The following HDAC9 variants were observed in gnomAD, a reference collection of about 807,000 sequenced individuals.
The protein encoded by HDAC9 is histone deacetylase 9.
In HDAC9, 41 loss-of-function variants were observed where a neutral mutation model predicts 139.4. The observed-to-expected ratio is 0.29, with a 90% CI of 0.23 to 0.38. HDAC9 has a LOEUF of 0.38. HDAC9 is among the 10% of genes least tolerant of loss of function. HDAC9 has a pLI of 1.00. For synonymous variants in HDAC9, 517 were observed against 476.2 expected, an observed-to-expected ratio of 1.09 and a Z score of -1.12; for missense variants, 1,147 against 1,297.0, an observed-to-expected ratio of 0.88 and a Z score of 1.78.
intron 1 of HDAC9, among the ~76,000 whole-genome samples, chr7:18,363,084 A>T (rs1161325921): frequency 1.3e-5 from 2 of 152,186 alleles, no homozygotes; most frequent in Non-Finnish European, 2.9e-5. Flanking sequence ...TTATGTCAAG[A>T]AAAGCATATT....
At chr7:18,090,849 C>CT (rs1233256278) in intron 1 of HDAC9, among the ~76,000 whole-genome samples, 11 of 151,336 alleles carry the variant, frequency 7.3e-5, no homozygotes, top group East Asian at 5.9e-4. Flanking sequence ...ATAAATCAGA[C>CT]TTTTTTTAAA....
At chr7:18,444,281 G>A (rs934122620) in intron 1 of HDAC9, among the ~76,000 whole-genome samples, 2 of 138,644 alleles carry the variant, frequency 1.4e-5, no homozygotes, top group African/African-American at 5.4e-5. Flanking sequence ...GGAGGTTGCA[G>A]TAAGCCATGA....
intron 6 of HDAC9, among the ~76,000 whole-genome samples, chr7:18,623,825 C>T (rs1275249970): frequency 6.6e-6 from 1 of 152,114 alleles, no homozygotes; most frequent in Admixed American, 6.5e-5. Context: ...CCCTATAATC[C>T]CAGCTACTTG....
At chr7:18,251,623 A>G in intron 2 of HDAC9, among the ~76,000 whole-genome samples, 1 of 152,186 alleles carries the variant, frequency 6.6e-6, no homozygotes, top group East Asian at 1.9e-4. Flanking sequence ...TCTAAAAACA[A>G]ATGAAAGTGA....
intron 24 of HDAC9, among the ~76,000 whole-genome samples, chr7:18,965,571 G>T (rs866049044): frequency 6.6e-6 from 1 of 152,212 alleles, no homozygotes; most frequent in Non-Finnish European, 1.5e-5. Context: ...GAAGTGTGAC[G>T]AGAAAAGAAA....
intron 22 of HDAC9, among the ~76,000 whole-genome samples, chr7:18,890,503 C>T (rs1369935471): frequency 2.6e-5 from 4 of 152,218 alleles, no homozygotes; most frequent in East Asian, 1.9e-4. Context: ...GCCAAGCACA[C>T]GTAAATAGTA....
At chr7:18,133,832 A>G (rs1406864489) in intron 1 of HDAC9, among the ~76,000 whole-genome samples, 2 of 152,032 alleles carry the variant, frequency 1.3e-5, no homozygotes, top group Non-Finnish European at 2.9e-5. Context: ...GAAGCATGCA[A>G]CATTTCCATG....
chr7:18,257,445 A>G (rs1224559430), intron 2 of HDAC9, among the ~76,000 whole-genome samples: 1 of 151,822 alleles, frequency 6.6e-6, no homozygotes, highest in Admixed American at 6.6e-5. Context: ...ACAAAAAGAA[A>G]AAAAGAAAAA....
intron 2 of HDAC9, among the ~76,000 whole-genome samples, chr7:18,500,467 A>T (rs1798074020): frequency 6.6e-6 from 1 of 152,180 alleles, no homozygotes; most frequent in Non-Finnish European, 1.5e-5. Context: ...GCAAAAATGG[A>T]TGCAGAGGTT....
intron 1 of HDAC9, among the ~76,000 whole-genome samples, chr7:18,320,786 G>A (rs1425978782): frequency 6.6e-6 from 1 of 152,144 alleles, no homozygotes; most frequent in Non-Finnish European, 1.5e-5. Flanking sequence ...TCACAATAGT[G>A]TTGTGGAAAG....
At chr7:18,956,679 G>T (rs909499408) in intron 24 of HDAC9, among the ~76,000 whole-genome samples, 1 of 152,132 alleles carries the variant, frequency 6.6e-6, no homozygotes, top group African/African-American at 2.4e-5. Flanking sequence ...TTTTATTCAT[G>T]AATCTTTGCC....
At chr7:18,853,160 C>G (rs1179714087) in intron 21 of HDAC9, among the ~76,000 whole-genome samples, 1 of 152,088 alleles carries the variant, frequency 6.6e-6, no homozygotes, top group African/African-American at 2.4e-5. Context: ...TATGGTGTTT[C>G]ATCTTAAGCA....
intron 1 of HDAC9, among the ~76,000 whole-genome samples, chr7:18,340,001 A>G (rs980515890): frequency 1.3e-5 from 2 of 151,430 alleles, no homozygotes; most frequent in Non-Finnish European, 3.0e-5. Flanking sequence ...GAGATTTCCT[A>G]CTATAATTGT....
chr7:18,493,036 A>G (rs1489200219), upstream of HDAC9, among the ~76,000 whole-genome samples: 1 of 151,990 alleles, frequency 6.6e-6, no homozygotes, highest in Admixed American at 6.6e-5. Context: ...AATGGTCAAA[A>G]TGAAGAAGAC....
chr7:18,715,492 G>A (rs1056903364), intron 12 of HDAC9, among the ~76,000 whole-genome samples: 6 of 152,142 alleles, frequency 3.9e-5, no homozygotes, highest in African/African-American at 9.6e-5. Context: ...AGACATGCTT[G>A]GTAATTTATA....
At chr7:18,775,642 A>C (rs1259350483) in intron 16 of HDAC9, among the ~76,000 whole-genome samples, 1 of 151,850 alleles carries the variant, frequency 6.6e-6, no homozygotes, top group Non-Finnish European at 1.5e-5. Context: ...CTATGTGCTA[A>C]GTGTGAAGCA....
intron 1 of HDAC9, among the ~76,000 whole-genome samples, chr7:18,478,848 C>A (rs554754095): frequency 2.0e-5 from 3 of 152,216 alleles, no homozygotes; most frequent in African/African-American, 7.2e-5. Flanking sequence ...AATGGTGTCT[C>A]ATTTTGGCTT....
chr7:18,888,381 T>A (rs1463756483), intron 22 of HDAC9, among the ~76,000 whole-genome samples: 1 of 152,118 alleles, frequency 6.6e-6, no homozygotes, highest in Non-Finnish European at 1.5e-5. Context: ...GCCGAGAGCG[T>A]GTCACTGCAC....
chr7:18,471,419 G>T (rs1265318512), intron 1 of HDAC9, among the ~76,000 whole-genome samples: 2 of 152,124 alleles, frequency 1.3e-5, no homozygotes, highest in African/African-American at 4.8e-5. Context: ...TAATTTTGGG[G>T]TTATGAATGC....
Sources: allele counts gnomAD v4.1 joint callset (sites outside exome capture counted in the v4.1 genomes callset), GRCh38; gene constraint gnomAD v4.1.1; transcripts MANE v1.5; gene names NCBI Gene and HGNC (gene_info 2026-07-23, HGNC 2026-07-21).